ZNF423: variants seen among roughly 807,000 people sequenced by gnomAD.
ZNF423 encodes Ebf-associated zinc finger protein.
A neutral mutation model predicts 95.8 loss-of-function variants in ZNF423; 12 were observed. That is an observed-to-expected ratio of 0.13 (90% CI 0.08 to 0.20). The LOEUF (loss-of-function observed/expected upper bound fraction) is 0.20. ZNF423 is among the 10% of genes least tolerant of loss of function. ZNF423 has a pLI of 1.00. For synonymous variants in ZNF423, 749 were observed against 711.9 expected, an observed-to-expected ratio of 1.05 and a Z score of -0.83; for missense variants, 1,316 against 1,737.1, an observed-to-expected ratio of 0.76 and a Z score of 4.31.
At chr16:49,554,051 C>T (rs967435025) in intron 5 of ZNF423, among the ~76,000 whole-genome samples, 2 of 152,104 alleles carry the variant, frequency 1.3e-5, no homozygotes, top group Admixed American at 1.3e-4. Context: ...CTTCATGGTC[C>T]CCCCACAACA....
intron 2 of ZNF423, among the ~76,000 whole-genome samples, chr16:49,735,106 C>G (rs2033254457): frequency 6.6e-6 from 1 of 152,126 alleles, no homozygotes; most frequent in Non-Finnish European, 1.5e-5. Context: ...ATGTAGGGTC[C>G]TGGTCACAGC....
intron 5 of ZNF423, among the ~76,000 whole-genome samples, chr16:49,526,554 C>G (rs1352322046): frequency 6.6e-6 from 1 of 152,154 alleles, no homozygotes; most frequent in African/African-American, 2.4e-5. Context: ...TGGGCACAAG[C>G]TCATGTGCAG....
At chr16:49,772,604 T>TA (rs777920222) in intron 2 of ZNF423, among the ~76,000 whole-genome samples, 2 of 152,228 alleles carry the variant, frequency 1.3e-5, no homozygotes, top group Non-Finnish European at 2.9e-5. Flanking sequence ...AAATGTGTCT[T>TA]AGAGTCAAAG....
rs1339504162 is a variant in ZNF423, at chr16:49,635,460, T to A, written c.3516+200A>T. Among the ~76,000 whole-genome samples the A allele has an allele frequency of 6.6e-6, 1 of 152,206 alleles. No individual in the cohort carries two copies. Among genetic ancestry groups the A allele is most frequent in the South Asian group, 2.1e-4 (1 of 4,832 alleles). ...ATGAGACCCAGAGAGATAAATAACA[T>A]GAGCCCATCACATGGCTGGAAAGGC... On this transcript the variant is annotated intron_variant, in intron 4 of 7. Transcript: ENST00000563137. This position sits in a 1 kb window ranked among gnomAD's most constrained non-coding sequence, Gnocchi z 4.8.
At chr16:49,817,300 G>A (rs1357659838) in intron 1 of ZNF423, among the ~76,000 whole-genome samples, 1 of 152,146 alleles carries the variant, frequency 6.6e-6, no homozygotes, top group African/African-American at 2.4e-5. Context: ...GCTGATCTTA[G>A]GTCTAGACAA....
intron 2 of ZNF423, among the ~76,000 whole-genome samples, chr16:49,762,894 T>C (rs1295708829): frequency 6.6e-6 from 1 of 152,194 alleles, no homozygotes; most frequent in Non-Finnish European, 1.5e-5. Flanking sequence ...GAAATGAAAA[T>C]GTTTAATCTC....
intron 2 of ZNF423, among the ~76,000 whole-genome samples, chr16:49,736,702 G>A (rs2033294426): frequency 6.6e-6 from 1 of 152,220 alleles, no homozygotes. Context: ...GGCTGAAGCA[G>A]GAGGATCGTT....
intron 1 of ZNF423, among the ~76,000 whole-genome samples, chr16:49,802,038 T>C (rs1215592581): frequency 2.6e-5 from 4 of 152,034 alleles, no homozygotes; most frequent in Non-Finnish European, 4.4e-5. Flanking sequence ...TTTTTTCAGA[T>C]GCGTCTCACT....
intron 3 of ZNF423, among the ~76,000 whole-genome samples, chr16:49,681,526 G>A (rs897701274): frequency 2.6e-5 from 4 of 152,210 alleles, no homozygotes; most frequent in Non-Finnish European, 5.9e-5. Flanking sequence ...AGGATGGACT[G>A]GGAGATTAAA....
At chr16:49,858,299 G>A (rs1048222335), upstream of ZNF423, among the ~76,000 whole-genome samples, 1 of 150,348 alleles carries the variant, frequency 6.7e-6, no homozygotes, top group African/African-American at 2.4e-5. This position sits in a 1 kb window ranked among gnomAD's most constrained non-coding sequence, Gnocchi z 4.3. Flanking sequence ...CTGCCGGCCA[G>A]CCGGGCCCGG....
chr16:49,723,255 C>A (rs1480071504), intron 3 of ZNF423, among the ~76,000 whole-genome samples: 1 of 152,150 alleles, frequency 6.6e-6, no homozygotes, highest in African/African-American at 2.4e-5. Flanking sequence ...ACTAGTATTT[C>A]TTTCTCTGGT....
intron 3 of ZNF423, among the ~76,000 whole-genome samples, chr16:49,688,094 GAAAA>G (rs5816654): frequency 2.0e-4 from 21 of 107,668 alleles, no homozygotes; most frequent in South Asian, 3.2e-4. Flanking sequence ...GGTTGAGAGG[GAAAA>G]AAAAAAAAAA....
intron 5 of ZNF423, among the ~76,000 whole-genome samples, chr16:49,528,839 G>C (rs1968728118): frequency 6.6e-6 from 1 of 152,048 alleles, no homozygotes; most frequent in African/African-American, 2.4e-5. Flanking sequence ...TTGCGTGCTG[G>C]TGACCCAATG....
chr16:49,594,676 A>G (rs1003827393), intron 5 of ZNF423, among the ~76,000 whole-genome samples: 5 of 152,202 alleles, frequency 3.3e-5, no homozygotes, highest in African/African-American at 7.2e-5. Flanking sequence ...AGCCCAAAAA[A>G]ACACCCACAG....
At chr16:49,665,177 T>C (rs2030476301) in intron 3 of ZNF423, among the ~76,000 whole-genome samples, 1 of 152,248 alleles carries the variant, frequency 6.6e-6, no homozygotes, top group African/African-American at 2.4e-5. Flanking sequence ...ACACCAGGGT[T>C]CTGCCATCAA....
intron 5 of ZNF423, among the ~76,000 whole-genome samples, chr16:49,534,205 C>T (rs187165206): frequency 7.2e-5 from 11 of 152,078 alleles, no homozygotes; most frequent in Admixed American, 7.2e-4. Flanking sequence ...AATGCTACCA[C>T]CACAACTATT....
chr16:49,500,653 T>C (rs981673388), intron 7 of ZNF423, among the ~76,000 whole-genome samples: 10 of 151,916 alleles, frequency 6.6e-5, no homozygotes, highest in African/African-American at 2.2e-4. Flanking sequence ...GAGTGGCTCA[T>C]GCCCGGAATC....
At chr16:49,612,404 T>G (rs1362829639) in intron 5 of ZNF423, among the ~76,000 whole-genome samples, 1 of 112,822 alleles carries the variant, frequency 8.9e-6, no homozygotes, top group Non-Finnish European at 1.7e-5. Flanking sequence ...TCACAATAGG[T>G]ACAGTAAAAA....
At chr16:49,684,713 C>T (rs1444220320) in intron 3 of ZNF423, among the ~76,000 whole-genome samples, 2 of 152,300 alleles carry the variant, frequency 1.3e-5, no homozygotes, top group East Asian at 1.9e-4. Flanking sequence ...GGGGTGGAAC[C>T]CGCATCTTCC....
Sources: allele counts gnomAD v4.1 joint callset (sites outside exome capture counted in the v4.1 genomes callset), GRCh38; gene constraint gnomAD v4.1.1; non-coding constraint Gnocchi (gnomAD v3.1); transcripts MANE v1.5; gene names NCBI Gene and HGNC (gene_info 2026-07-23, HGNC 2026-07-21).